Variants in PLCXD1 observed in about 807,000 individuals in gnomAD.
PLCXD1 encodes phosphatidylinositol specific phospholipase C X domain containing 1, also known as PI-PLC X domain-containing protein 1.
Under a neutral mutation model 37.8 loss-of-function variants are expected in PLCXD1, and 45 were observed. The ratio of observed to expected loss-of-function variants is 1.19; its 90% CI spans 0.94 to 1.53. The LOEUF (loss-of-function observed/expected upper bound fraction) is 1.53. Among genes scored for constraint, PLCXD1 ranks in the 40% most tolerant of loss-of-function variants. PLCXD1 has a pLI of 0.00. For missense variants in PLCXD1, 539 were observed against 454.7 expected (o/e 1.19, Z -1.69); for synonymous variants, 246 against 206.9 (o/e 1.19, Z -1.62).
intron 2 of PLCXD1, among the ~76,000 whole-genome samples, chrX:285,812 T>A (rs1203212098): frequency 2.0e-5 from 3 of 152,098 alleles, no homozygotes; most frequent in Admixed American, 6.6e-5. Context: ...AAAATTAATA[T>A]AAGTAGGGGG....
chrX:293,441 T>C (rs2069703722), intron 6 of PLCXD1, among the ~76,000 whole-genome samples: 3 of 152,088 alleles, frequency 2.0e-5, no homozygotes, highest in Non-Finnish European at 2.9e-5. Context: ...CTGGCCAACA[T>C]AGTGAGACCC....
At chrX:277,427 G>C (rs867004942), upstream of PLCXD1, among the ~76,000 whole-genome samples, 2 of 12,450 alleles carry the variant, frequency 1.6e-4, no homozygotes, top group East Asian at 5.6e-3. Flanking sequence ...GTCAGGGCAC[G>C]TGGGGACAGG....
At chrX:287,061 C>T (rs887966578) in intron 2 of PLCXD1, among the ~76,000 whole-genome samples, 4 of 151,996 alleles carry the variant, frequency 2.6e-5, no homozygotes, top group Non-Finnish European at 4.4e-5. Context: ...TGGTGGCTCA[C>T]GCCTGTAATC....
intron 2 of PLCXD1, among the ~76,000 whole-genome samples, chrX:284,675 T>G: frequency 6.6e-6 from 1 of 151,812 alleles, no homozygotes; most frequent in Non-Finnish European, 1.5e-5. Context: ...CACATGCACA[T>G]CTGCACACAT....
chrX:294,741 T>C (rs1340378272), intron 6 of PLCXD1, among the ~76,000 whole-genome samples: 1 of 151,330 alleles, frequency 6.6e-6, no homozygotes, highest in Non-Finnish European at 1.5e-5. Context: ...AAGGCGGAGG[T>C]TGCAGTGGGC....
rs2069277969 is a variant in PLCXD1 at position 281,558 on chromosome X, CAGCCGCCAGG to C, written c.-144_-135del. 2 of 152,254 alleles carry C rather than the reference CAGCCGCCAGG, an allele frequency of 1.3e-5. No individual in the cohort carries two copies. The highest frequency in any genetic ancestry group is 4.1e-4 in the South Asian group (2 of 4,842). The allele number at this position is 152,254 out of a possible 1,614,324, so 9.4% of individuals were successfully genotyped here. ...CAGAACCTTGTGAAGCCAACGCGGGCAGCCGCCAGGAGCTGCAGACCGAGAGGATCTCGTC... is the reference window on the plus strand; with the variant it reads ...CAGAACCTTGTGAAGCCAACGCGGGCAGCTGCAGACCGAGAGGATCTCGTC... On this transcript the variant is annotated 5_prime_UTR_variant, in exon 1 of 7. Transcript: ENST00000381657.
At chrX:283,061 GTGTGTA>G (rs1462626616) in intron 1 of PLCXD1, 3 of 63,156 alleles carry the variant, frequency 4.8e-5, no homozygotes, top group East Asian at 4.1e-4. Flanking sequence ...ATTCTGTTAT[GTGTGTA>G]TGTGTGTGTG....
chrX:294,658 G>A (rs2069747827), intron 6 of PLCXD1, among the ~76,000 whole-genome samples: 1 of 151,452 alleles, frequency 6.6e-6, no homozygotes, highest in African/African-American at 2.4e-5. Context: ...AGAAAAATTA[G>A]CCAGGCATGG....
At position 299,151 on chromosome X, in the gene PLCXD1, C is replaced by T. The variant is rs372085744; in HGVS notation, c.788C>T (p.Ala263Val). 75 of 1,613,786 alleles carry T rather than the reference C, an allele frequency of 4.6e-5. No homozygotes were observed. Among genetic ancestry groups the T allele is most frequent in the Non-Finnish European group, 2.1e-5 (25 of 1,179,850 alleles). Residue 263 changes from alanine to valine, a missense_variant, in exon 7 of 7, where the codon GCG (alanine) becomes GTG (valine). Coordinates refer to ENST00000381657, the MANE Select transcript of PLCXD1 (RefSeq NM_018390.4). Reference sequence around the variant, plus strand: ...ACGGAGAACCTGCAGTACGTTCTGGCGCACCCGTCCGAGTCCCTGGAGAAG... The same window carrying T: ...ACGGAGAACCTGCAGTACGTTCTGGTGCACCCGTCCGAGTCCCTGGAGAAG... The part of the protein sequence containing the change: ...NLTENLQYVL[A>V]HPSESLEKMT...
Position 285,340 on chromosome X carries a change from GCACAC to G in PLCXD1, c.127+1027_127+1031del, listed in dbSNP as rs1194023265. Among the ~76,000 whole-genome samples the G allele has an allele frequency of 1.5e-4, 23 of 149,744 alleles. 1 individual carries two copies. The highest frequency in any genetic ancestry group is 5.8e-4 in the African/African-American group (23 of 39,794). Reference sequence around the variant, plus strand: ...TGTGCGGGTGTGTACACATGCACATGCACACGTGTACACATGTACACACATGCACA... The same window carrying G: ...TGTGCGGGTGTGTACACATGCACATGGTGTACACATGTACACACATGCACA... On this transcript the variant is annotated intron_variant, in intron 2 of 6. Transcript: ENST00000381657.
Position 302,619 on chromosome X carries a change from CTGGAG to C in PLCXD1, c.*3287_*3291del, listed in dbSNP as rs2070053003. 1 of 152,072 alleles carries C rather than the reference CTGGAG, an allele frequency of 6.6e-6. No individual in the cohort carries two copies. Among genetic ancestry groups the C allele is most frequent in the Admixed American group, 6.6e-5 (1 of 15,256 alleles). The allele number at this position is 152,072 out of a possible 1,614,324, so 9.4% of individuals were successfully genotyped here. On this transcript the variant is annotated 3_prime_UTR_variant, in exon 7 of 7. Transcript: ENST00000381657. ...CGGAGTTTCGCTCTCGTTGCCGAGG[CTGGAG>C]TGTAGTAGTGTGATCCTGGCTCACT...
chrX:283,938 G>C, intron 1 of PLCXD1: 1 of 445,150 alleles, frequency 2.2e-6, no homozygotes, highest in Non-Finnish European at 4.0e-6. Context: ...CTGGAGTGCA[G>C]TGGCGGGATC....
chrX:295,447 G>A (rs1172312481), intron 6 of PLCXD1, among the ~76,000 whole-genome samples: 9 of 151,998 alleles, frequency 5.9e-5, no homozygotes, highest in African/African-American at 9.7e-5. Flanking sequence ...ACCCAGTCAC[G>A]GGCCGGGCAA....
At chrX:285,371 CATGT>C (rs371236110) in intron 2 of PLCXD1, among the ~76,000 whole-genome samples, 30 of 147,560 alleles carry the variant, frequency 2.0e-4, no homozygotes, top group African/African-American at 5.3e-4. Flanking sequence ...CACATGCACA[CATGT>C]ATATATATAT....
In PLCXD1 at chrX:302,736, GATA is replaced by G. The variant is rs2070056715; in HGVS notation, c.*3404_*3406del. Reference sequence around the variant, plus strand: ...TTGCAGGCGCCCGCCACCACGCCCGGATAATTTTTGTGTGTTTAGCAGAGACGG... The same window carrying G: ...TTGCAGGCGCCCGCCACCACGCCCGGATTTTTGTGTGTTTAGCAGAGACGG... On this transcript the variant is annotated 3_prime_UTR_variant, in exon 7 of 7. Coordinates refer to ENST00000381657, the MANE Select transcript of PLCXD1 (RefSeq NM_018390.4). The G allele has an allele frequency of 1.3e-5, 2 of 152,220 alleles. No individual in the cohort carries two copies. The highest frequency in any genetic ancestry group is 4.1e-4 in the South Asian group (2 of 4,822). 9.4% of individuals were successfully genotyped at this position (152,220 alleles called of 1,614,324 possible).
chrX:290,867 GGGGA>G, intron 4 of PLCXD1, 91 bp downstream of exon 4: 1 of 590,730 alleles, frequency 1.7e-6, no homozygotes, highest in Non-Finnish European at 2.6e-6. Flanking sequence ...GGGAAGCAAG[GGGGA>G]CAGCGGGAGG....
At position 282,741 on chromosome X, in the gene PLCXD1, A is replaced by T. The variant is rs143763750; in HGVS notation, c.-22+1057A>T. 7.6e-3 allele frequency among the ~76,000 whole-genome samples: 1,142 copies of T among 149,776 alleles called. 18 individuals are homozygous for T. The highest frequency in any genetic ancestry group is 0.026 in the African/African-American group (1,078 of 40,912). ...AAAAGACCAACCAAAAAAGTTATAT[A>T]CACTTCAGAGGCAGAGAAAGAATTT... On this transcript the variant is annotated intron_variant, in intron 1 of 6. Coordinates refer to ENST00000381657, the MANE Select transcript of PLCXD1 (RefSeq NM_018390.4).
intron 2 of PLCXD1, among the ~76,000 whole-genome samples, chrX:286,695 A>G (rs1474555400): frequency 1.3e-5 from 2 of 152,152 alleles, no homozygotes; most frequent in Non-Finnish European, 2.9e-5. Context: ...ACGCTTTTTC[A>G]TACAACGTCT....
At position 286,495 on chromosome X, in the gene PLCXD1, G is replaced by A. The variant is rs1199319884; in HGVS notation, c.127+2181G>A. On this transcript the variant is annotated intron_variant, in intron 2 of 6. Coordinates refer to ENST00000381657, the MANE Select transcript of PLCXD1 (RefSeq NM_018390.4). ...CAGACACCGGATTAAAGAAAGAAGAGGTTTCTTTGGCCGGGAGCTTCGGCA... is the reference window on the plus strand; with the variant it reads ...CAGACACCGGATTAAAGAAAGAAGAAGTTTCTTTGGCCGGGAGCTTCGGCA... 2.6e-5 allele frequency among the ~76,000 whole-genome samples: 4 copies of A among 152,234 alleles called. No homozygotes were observed. The South Asian group carries it at 6.2e-4, about 24-fold the overall frequency.
Sources: allele counts gnomAD v4.1 joint callset (sites outside exome capture counted in the v4.1 genomes callset), GRCh38; gene constraint gnomAD v4.1.1; transcripts MANE v1.5; gene names NCBI Gene and HGNC (gene_info 2026-07-23, HGNC 2026-07-21).